The following ASIC2 variants were observed in gnomAD, a reference collection of about 807,000 sequenced individuals.
ASIC2 encodes the protein acid-sensing ion channel 2.
ASIC2 carries 25 observed loss-of-function variants against 57.3 expected under a neutral mutation model. That is an observed-to-expected ratio of 0.44 (90% confidence interval 0.32 to 0.61). The LOEUF (loss-of-function observed/expected upper bound fraction) is 0.61, where lower values mean the gene tolerates loss of function less well. ASIC2 is among the 20% of genes least tolerant of loss of function. The pLI is 0.06. For missense variants in ASIC2, 641 were observed against 738.1 expected (o/e 0.87, Z 1.52); for synonymous variants, 319 against 307.5 (o/e 1.04, Z -0.39).
At chr17:33,486,858 G>A (rs575804558) in intron 1 of ASIC2, among the ~76,000 whole-genome samples, 18 of 152,292 alleles carry the variant, frequency 1.2e-4, no homozygotes, top group African/African-American at 4.1e-4. Context: ...ACAGGAGGGA[G>A]AACCACCAAG....
intron 1 of ASIC2, among the ~76,000 whole-genome samples, chr17:33,853,673 C>T (rs955381059): frequency 5.3e-5 from 8 of 152,124 alleles, no homozygotes; most frequent in Admixed American, 4.6e-4. Context: ...GAAAGACCAA[C>T]GTGGGAGGAT....
intron 3 of ASIC2, among the ~76,000 whole-genome samples, chr17:33,067,524 G>A (rs2092048569): frequency 6.6e-6 from 1 of 152,176 alleles, no homozygotes; most frequent in Non-Finnish European, 1.5e-5. Context: ...TTTTGACAGA[G>A]CATCACAACA....
intron 1 of ASIC2, among the ~76,000 whole-genome samples, chr17:34,107,420 G>C (rs1327724349): frequency 6.6e-6 from 1 of 152,168 alleles, no homozygotes. Context: ...GAGGGAAGAA[G>C]ATCACCTAAG....
chr17:34,015,765 C>T (rs749483409), intron 1 of ASIC2, among the ~76,000 whole-genome samples: 2 of 152,200 alleles, frequency 1.3e-5, no homozygotes, highest in Non-Finnish European at 2.9e-5. Flanking sequence ...CTCCTTTGGT[C>T]CTTGTGAAAT....
chr17:33,167,732 G>A (rs958597354), intron 1 of ASIC2, among the ~76,000 whole-genome samples: 1 of 152,172 alleles, frequency 6.6e-6, no homozygotes, highest in Non-Finnish European at 1.5e-5. Flanking sequence ...TAGATGATCT[G>A]CTATTTCCCA....
intron 1 of ASIC2, among the ~76,000 whole-genome samples, chr17:33,800,179 CT>C (rs1056002526): frequency 6.6e-6 from 1 of 152,104 alleles, no homozygotes; most frequent in African/African-American, 2.4e-5. Flanking sequence ...GTTATAATTC[CT>C]GGTCAGACCC....
At chr17:34,148,987 G>T (rs1014799195) in intron 1 of ASIC2, among the ~76,000 whole-genome samples, 4 of 152,036 alleles carry the variant, frequency 2.6e-5, no homozygotes, top group Non-Finnish European at 4.4e-5. Context: ...ACACACACAT[G>T]CACACAATAC....
intron 1 of ASIC2, among the ~76,000 whole-genome samples, chr17:34,100,045 C>T (rs1168601246): frequency 2.6e-5 from 4 of 152,112 alleles, no homozygotes; most frequent in Non-Finnish European, 5.9e-5. Context: ...CTCCTCTGAC[C>T]AGGCCACATT....
At chr17:33,784,477 C>A (rs1911548307) in intron 1 of ASIC2, among the ~76,000 whole-genome samples, 1 of 151,996 alleles carries the variant, frequency 6.6e-6, no homozygotes, top group Non-Finnish European at 1.5e-5. Context: ...CAATGCTGTT[C>A]AATAGAAATA....
At chr17:33,791,430 C>T (rs1010245170) in intron 1 of ASIC2, among the ~76,000 whole-genome samples, 1 of 152,142 alleles carries the variant, frequency 6.6e-6, no homozygotes, top group African/African-American at 2.4e-5. Context: ...GAAGTCTCGC[C>T]ATGACCCTGG....
intron 1 of ASIC2, among the ~76,000 whole-genome samples, chr17:33,986,230 G>T (rs1475562476): frequency 1.3e-5 from 2 of 150,126 alleles, no homozygotes; most frequent in Middle Eastern, 3.4e-3. Context: ...GCAGTATTAT[G>T]AGTACCTGGA....
intron 1 of ASIC2, among the ~76,000 whole-genome samples, chr17:33,418,361 C>T (rs1335204828): frequency 6.6e-6 from 1 of 151,530 alleles, no homozygotes; most frequent in African/African-American, 2.4e-5. Flanking sequence ...AAGTTGTGCT[C>T]CCTGTTAAAA....
chr17:33,328,008 G>A lies in ASIC2; in HGVS notation c.556-215941C>T, dbSNP rs560446706. 1.4e-4 allele frequency among the ~76,000 whole-genome samples: 22 copies of A among 152,304 alleles called. No individual in the cohort carries two copies. The South Asian group carries it at 3.1e-3, about 22-fold the overall frequency. ...ATGGCCAGCAACCACCAGAAGCAAA[G>A]AAAGAAGCAATTCCTTATTTCTTAG... On this transcript the variant is annotated intron_variant, in intron 1 of 9. Coordinates refer to the ASIC2 transcript ENST00000359872.
At chr17:33,074,411 G>A (rs2092081360) in intron 3 of ASIC2, among the ~76,000 whole-genome samples, 1 of 152,094 alleles carries the variant, frequency 6.6e-6, no homozygotes, top group African/African-American at 2.4e-5. Flanking sequence ...CTGGTTGCAG[G>A]TCTGAGTGGT....
At chr17:33,761,512 C>T (rs1175417707) in intron 1 of ASIC2, among the ~76,000 whole-genome samples, 1 of 152,054 alleles carries the variant, frequency 6.6e-6, no homozygotes, top group Admixed American at 6.6e-5. Flanking sequence ...TGTGGTCTGG[C>T]CTGGAAAAAT....
intron 3 of ASIC2, among the ~76,000 whole-genome samples, chr17:33,063,702 T>C (rs532258790): frequency 1.3e-5 from 2 of 152,350 alleles, no homozygotes; most frequent in South Asian, 4.1e-4. Context: ...AATTTGAATG[T>C]TGGCCTGCCT....
At chr17:34,010,639 A>G (rs1906681020) in intron 1 of ASIC2, among the ~76,000 whole-genome samples, 1 of 152,076 alleles carries the variant, frequency 6.6e-6, no homozygotes, top group Non-Finnish European at 1.5e-5. Context: ...ACACACAGAG[A>G]GGCACACAGA....
intron 1 of ASIC2, among the ~76,000 whole-genome samples, chr17:34,130,849 C>T (rs1911931640): frequency 2.0e-5 from 3 of 152,216 alleles, no homozygotes; most frequent in Admixed American, 6.5e-5. Flanking sequence ...GAAGCTTATA[C>T]ATGAAATTAT....
At position 34,104,406 on chromosome 17, in the gene ASIC2, A is replaced by C. The variant is rs1333907668; in HGVS notation, c.555+51572T>G. 2.0e-5 allele frequency among the ~76,000 whole-genome samples: 3 copies of C among 152,132 alleles called. No individual in the cohort carries two copies. The East Asian group carries it at 5.8e-4, about 29-fold the overall frequency. ...TCTGTGAGTTTGAATTAATTAAATA[A>C]AACTTTTGTTTATAGAAACAAATTC... On this transcript the variant is annotated intron_variant, in intron 1 of 9. Transcript: ENST00000359872.
Sources: gnomAD v4.1 joint callset for allele counts (sites outside exome capture counted in the v4.1 genomes callset) on GRCh38, gnomAD v4.1.1 for gene constraint, MANE v1.5 for transcripts, NCBI Gene and HGNC (gene_info 2026-07-23, HGNC 2026-07-21) for gene names.